Variants in NELL1 observed in about 807,000 individuals in gnomAD.
NELL1 encodes neural EGFL like 1.
Under a neutral mutation model 107.4 loss-of-function variants are expected in NELL1, and 76 were observed. The observed-to-expected ratio is 0.71, with a 90% CI of 0.59 to 0.86. NELL1 has a LOEUF of 0.86. Ranked by LOEUF, NELL1 falls within the 40% of genes least tolerant of loss-of-function variation. NELL1 has a pLI of 0.00. For missense variants in NELL1, 1,024 were observed against 1,005.5 expected (o/e 1.02, Z -0.25); for synonymous variants, 353 against 341.2 (o/e 1.03, Z -0.38).
In NELL1 at chr11:21,009,959, C is replaced by T. The variant is rs374738488; in HGVS notation, c.1300+49399C>T. On this transcript the variant is annotated intron_variant, in intron 12 of 19. Coordinates refer to ENST00000357134, the MANE Select transcript of NELL1 (RefSeq NM_006157.5). ...CTCCCCCTCCCCCCACCCACTGTTA[C>T]GGGCCCTGCCAACTTGCTAATCTTC... Among the ~76,000 whole-genome samples the T allele has an allele frequency of 2.9e-3, 377 of 131,968 alleles. 2 individuals carry two copies. Among genetic ancestry groups the T allele is most frequent in the African/African-American group, 9.7e-3 (348 of 35,980 alleles). The allele number at this position is 131,968 out of a possible 152,430, so 86.6% of individuals were successfully genotyped here.
chr11:21,340,141 C>CTTTTTGTTTTTGCTTTTG (rs1475558734), intron 14 of NELL1, among the ~76,000 whole-genome samples: 1 of 152,082 alleles, frequency 6.6e-6, no homozygotes, highest in African/African-American at 2.4e-5. Flanking sequence ...GCTTTACCTA[C>CTTTTTGTTTTTGCTTTTG]TTTTTGTTTT....
chr11:21,127,407 C>T (rs1855509886), intron 13 of NELL1, among the ~76,000 whole-genome samples: 1 of 151,856 alleles, frequency 6.6e-6, no homozygotes, highest in African/African-American at 2.4e-5. Context: ...CCAGCCTGGT[C>T]AACATAGCAG....
chr11:21,514,943 G>A (rs961065545), intron 15 of NELL1, among the ~76,000 whole-genome samples: 8 of 152,186 alleles, frequency 5.3e-5, no homozygotes, highest in African/African-American at 1.7e-4. Context: ...AATGGTCACA[G>A]CGATGGCAAT....
intron 12 of NELL1, among the ~76,000 whole-genome samples, chr11:21,069,460 A>T (rs746044791): frequency 3.3e-5 from 5 of 152,148 alleles, no homozygotes; most frequent in Admixed American, 6.6e-5. Context: ...GACACTACTG[A>T]TGGCTGGCAC....
At position 20,917,099 on chromosome 11, in the gene NELL1, T is replaced by A. The variant is rs570564820; in HGVS notation, c.604-1083T>A. 5.7e-3 allele frequency among the ~76,000 whole-genome samples: 861 copies of A among 152,134 alleles called. 12 individuals carry two copies. Among genetic ancestry groups the A allele is most frequent in the African/African-American group, 0.02 (841 of 41,558 alleles). ...CATCCCAGAGAGAAGTTAATTCATT[T>A]AGATTGTGCTCCATTAATTGCTCCC... is the stretch of plus-strand genomic sequence containing the variant. On this transcript the variant is annotated intron_variant, in intron 5 of 19. Transcript: ENST00000357134.
intron 2 of NELL1, among the ~76,000 whole-genome samples, chr11:20,746,755 A>G (rs1426131361): frequency 6.6e-6 from 1 of 152,086 alleles, no homozygotes; most frequent in African/African-American, 2.4e-5. Context: ...CAGTTTTTAC[A>G]TTGTTTATTT....
At chr11:21,166,045 G>A (rs781321475) in intron 13 of NELL1, among the ~76,000 whole-genome samples, 7 of 151,764 alleles carry the variant, frequency 4.6e-5, no homozygotes, top group East Asian at 3.9e-4. Context: ...GTAAGCCACC[G>A]TGCCTGGCCC....
intron 15 of NELL1, among the ~76,000 whole-genome samples, chr11:21,491,978 C>G (rs1854831737): frequency 6.6e-6 from 1 of 151,936 alleles, no homozygotes; most frequent in South Asian, 2.1e-4. Context: ...TGGGAGTTCA[C>G]TTTCGCAACC....
chr11:20,853,390 G>A (rs1258349346), intron 4 of NELL1, among the ~76,000 whole-genome samples: 7 of 152,140 alleles, frequency 4.6e-5, no homozygotes, highest in Non-Finnish European at 7.4e-5. Flanking sequence ...TTTATGTAAC[G>A]ATGCAGGAGT....
At chr11:21,127,849 A>G (rs1217675327) in intron 13 of NELL1, among the ~76,000 whole-genome samples, 1 of 152,192 alleles carries the variant, frequency 6.6e-6, no homozygotes, top group African/African-American at 2.4e-5. Flanking sequence ...ATACTTGTTT[A>G]TGGTTAAAAA....
chr11:21,229,310 T>C, intron 13 of NELL1, 22 bp from the exon 14 acceptor site: 3 of 1,613,236 alleles, frequency 1.9e-6, no homozygotes, highest in Non-Finnish European at 2.5e-6. Context: ...GTATTTCTCT[T>C]TTTCTCTCAC....
intron 5 of NELL1, among the ~76,000 whole-genome samples, chr11:20,905,115 C>A (rs184836813): frequency 1.6e-3 from 237 of 151,704 alleles, no homozygotes; most frequent in African/African-American, 5.6e-3. Context: ...GTTGGGATTA[C>A]AGGTGTGAGC....
chr11:20,694,154 C>T (rs188330178), intron 2 of NELL1, among the ~76,000 whole-genome samples: 5 of 152,228 alleles, frequency 3.3e-5, no homozygotes, highest in Non-Finnish European at 7.4e-5. Context: ...TTAAGCACTT[C>T]TCTGTATTGG....
At chr11:21,473,776 C>T (rs574336736) in intron 15 of NELL1, among the ~76,000 whole-genome samples, 27 of 152,082 alleles carry the variant, frequency 1.8e-4, no homozygotes, top group African/African-American at 4.6e-4. Context: ...TGGGACACCC[C>T]GTAGTATATT....
At chr11:21,456,312 G>A (rs1853734295) in intron 15 of NELL1, among the ~76,000 whole-genome samples, 1 of 151,956 alleles carries the variant, frequency 6.6e-6, no homozygotes, top group African/African-American at 2.4e-5. Context: ...TTCTATTGCT[G>A]TGTCTGCACT....
intron 2 of NELL1, among the ~76,000 whole-genome samples, chr11:20,696,805 C>G (rs559876913): frequency 1.3e-5 from 2 of 152,174 alleles, no homozygotes; most frequent in Admixed American, 6.6e-5. Flanking sequence ...CTCCTCAACT[C>G]CAAACAACCA....
At chr11:21,012,112 G>A (rs894248411) in intron 12 of NELL1, among the ~76,000 whole-genome samples, 12 of 152,104 alleles carry the variant, frequency 7.9e-5, no homozygotes, top group African/African-American at 2.7e-4. Flanking sequence ...AATAACATAG[G>A]CCACCCCCAA....
chr11:20,927,403 T>C lies in NELL1; in HGVS notation c.855T>C (p.Ser285=), dbSNP rs552781041. Residue 285 remains serine (S), a synonymous_variant, in exon 8 of 20, where the codon TCT becomes TCC. Coordinates refer to ENST00000357134, the MANE Select transcript of NELL1 (RefSeq NM_006157.5). ...VSGLLYRDQD[S]WVDGDHCRNC... ...GACTGCTCTATCGAGATCAAGACTC[T>C]TGGGTAGATGGTGACCATTGCAGGA... 1 of 1,612,696 alleles carries C rather than the reference T, an allele frequency of 6.2e-7. No individual in the cohort carries two copies. The highest frequency in any genetic ancestry group is 1.3e-5 in the African/African-American group (1 of 74,996).
At chr11:21,132,968 A>G (rs1404317344) in intron 13 of NELL1, among the ~76,000 whole-genome samples, 1 of 152,066 alleles carries the variant, frequency 6.6e-6, no homozygotes, top group Admixed American at 6.5e-5. Context: ...CTCTCAGGAG[A>G]CCCGAAGTAG....
Sources: gnomAD v4.1 joint callset for allele counts (sites outside exome capture counted in the v4.1 genomes callset) on GRCh38, gnomAD v4.1.1 for gene constraint, MANE v1.5 for transcripts, NCBI Gene and HGNC (gene_info 2026-07-23, HGNC 2026-07-21) for gene names.